FAM227B: variants seen among roughly 807,000 people sequenced by gnomAD.
FAM227B encodes the protein protein FAM227B.
FAM227B carries 88 observed loss-of-function variants against 73.8 expected under a neutral mutation model. The observed-to-expected ratio is 1.19, with a 90% CI of 1.00 to 1.42. The LOEUF (loss-of-function observed/expected upper bound fraction) is 1.42, where lower values mean the gene tolerates loss of function less well. FAM227B is among the 40% of genes most tolerant of loss of function. The probability of loss-of-function intolerance (pLI) is 0.00; values close to 1 mark genes in which losing one functional copy is unlikely to be tolerated. For missense variants in FAM227B, 632 were observed against 590.9 expected (o/e 1.07, Z -0.72); for synonymous variants, 210 against 190.5 (o/e 1.10, Z -0.84).
intron 15 of FAM227B, 63 bp from the exon 16 acceptor site, chr15:49,328,738 G>A (rs766300150): frequency 2.7e-6 from 4 of 1,503,398 alleles, no homozygotes; most frequent in Non-Finnish European, 8.9e-7. Context: ...AATTGAATTT[G>A]AATGTGAGAT....
At chr15:49,380,942 G>A (rs1596720013) in intron 11 of FAM227B, among the ~76,000 whole-genome samples, 1 of 152,260 alleles carries the variant, frequency 6.6e-6, no homozygotes, top group Admixed American at 6.5e-5. Flanking sequence ...TGGTTCTGCG[G>A]GATGTACAAG....
chr15:49,589,680 A>G (rs2152407473), intron 4 of FAM227B, 96 bp downstream of exon 4: 1 of 740,680 alleles, frequency 1.4e-6, no homozygotes, highest in Non-Finnish European at 2.3e-6. Flanking sequence ...TTGGAGGGTG[A>G]CTCAGGAGGA....
intron 9 of FAM227B, among the ~76,000 whole-genome samples, chr15:49,547,059 C>T (rs1340704136): frequency 7.2e-5 from 11 of 152,140 alleles, no homozygotes. Flanking sequence ...CAAAGGGAAG[C>T]CCATCAGACT....
At chr15:49,476,230 TGG>T (rs779651684) in intron 11 of FAM227B, among the ~76,000 whole-genome samples, 10,107 of 119,108 alleles carry the variant, frequency 0.085, 1,175 homozygotes, top group Non-Finnish European at 0.13. Flanking sequence ...TTTTTGTTTT[TGG>T]TTTTTTTTTT....
chr15:49,543,846 C>T (rs925534369), intron 9 of FAM227B, among the ~76,000 whole-genome samples: 2 of 152,086 alleles, frequency 1.3e-5, no homozygotes, highest in African/African-American at 2.4e-5. Context: ...CTATGCTCTT[C>T]GATTTGTCTA....
intron 11 of FAM227B, among the ~76,000 whole-genome samples, chr15:49,421,900 G>T (rs2049663007): frequency 6.6e-6 from 1 of 152,174 alleles, no homozygotes; most frequent in South Asian, 2.1e-4. Context: ...AATGATCAAA[G>T]AGTCTGTCCC....
At chr15:49,557,403 T>A (rs2073819809) in intron 9 of FAM227B, among the ~76,000 whole-genome samples, 1 of 152,172 alleles carries the variant, frequency 6.6e-6, no homozygotes, top group Non-Finnish European at 1.5e-5. Context: ...AATTAAGATT[T>A]CATAATTATT....
intron 10 of FAM227B, among the ~76,000 whole-genome samples, chr15:49,514,182 T>G (rs2059222317): frequency 6.6e-6 from 1 of 152,184 alleles, no homozygotes; most frequent in Non-Finnish European, 1.5e-5. Flanking sequence ...ATAAATTACT[T>G]TGGGCAGTAT....
At chr15:49,614,674 G>A (rs1042080559) in intron 2 of FAM227B, 1 of 155,108 alleles carries the variant, frequency 6.4e-6, no homozygotes, top group Middle Eastern at 3.4e-3. Flanking sequence ...AGGCCTCCCA[G>A]ATAGTGTCAA....
At chr15:49,401,562 T>C (rs1479150807) in intron 11 of FAM227B, among the ~76,000 whole-genome samples, 1 of 147,884 alleles carries the variant, frequency 6.8e-6, no homozygotes, top group Non-Finnish European at 1.5e-5. Context: ...GTATGTTTAT[T>C]GCGGCATTAT....
chr15:49,559,291 G>A (rs2074038053), intron 9 of FAM227B, among the ~76,000 whole-genome samples: 1 of 152,120 alleles, frequency 6.6e-6, no homozygotes, highest in South Asian at 2.1e-4. Context: ...GCCTGTGCTT[G>A]CCATTTGGGC....
intron 13 of FAM227B, among the ~76,000 whole-genome samples, chr15:49,357,079 A>G (rs2043284519): frequency 1.3e-5 from 2 of 151,472 alleles, no homozygotes; most frequent in Admixed American, 6.6e-5. Flanking sequence ...GGATGCATTC[A>G]AAGCAGTGTG....
intron 11 of FAM227B, chr15:49,425,426 T>C (rs2050040871): frequency 6.6e-6 from 1 of 152,016 alleles, no homozygotes; most frequent in South Asian, 2.1e-4. Flanking sequence ...TTAAATGTAA[T>C]GGAATAAGAT....
intron 10 of FAM227B, among the ~76,000 whole-genome samples, chr15:49,523,819 C>A (rs1427108480): frequency 6.6e-6 from 1 of 152,168 alleles, no homozygotes; most frequent in Admixed American, 6.5e-5. Flanking sequence ...TTGTTGGAAA[C>A]TGGAGCAAAG....
intron 11 of FAM227B, among the ~76,000 whole-genome samples, chr15:49,374,647 G>A (rs575045505): frequency 6.6e-5 from 10 of 152,280 alleles, no homozygotes; most frequent in African/African-American, 2.2e-4. Flanking sequence ...AGGTTCAAGC[G>A]ATTCTCCTGC....
intron 9 of FAM227B, among the ~76,000 whole-genome samples, chr15:49,563,912 C>T (rs570138602): frequency 6.6e-6 from 1 of 152,146 alleles, no homozygotes; most frequent in Non-Finnish European, 1.5e-5. Flanking sequence ...AAGTACCTTT[C>T]TGGACATTGG....
intron 11 of FAM227B, among the ~76,000 whole-genome samples, chr15:49,476,750 T>C (rs1038964455): frequency 2.0e-5 from 3 of 152,132 alleles, no homozygotes; most frequent in East Asian, 1.9e-4. Context: ...AGAACACTTT[T>C]AGATTTACAA....
chr15:49,440,814 C>T (rs1033258118), intron 11 of FAM227B, among the ~76,000 whole-genome samples: 9 of 151,608 alleles, frequency 5.9e-5, no homozygotes, highest in Admixed American at 3.3e-4. Context: ...CTCTTTCCAC[C>T]CATTGAGTTG....
chr15:49,364,587 TA>T (rs199670723), intron 13 of FAM227B, among the ~76,000 whole-genome samples: 1 of 152,144 alleles, frequency 6.6e-6, no homozygotes, highest in Admixed American at 6.6e-5. Flanking sequence ...GATTGGGTTT[TA>T]AAAAAACATA....
Sources: gnomAD v4.1 joint callset for allele counts (sites outside exome capture counted in the v4.1 genomes callset) on GRCh38, gnomAD v4.1.1 for gene constraint, MANE v1.5 for transcripts, NCBI Gene and HGNC (gene_info 2026-07-23, HGNC 2026-07-21) for gene names.